The following PARN variants were observed in gnomAD, a reference collection of about 807,000 sequenced individuals.
The protein encoded by PARN is poly(A)-specific ribonuclease PARN.
In PARN, 71 loss-of-function variants were observed where a neutral mutation model predicts 102.8. The ratio of observed to expected loss-of-function variants is 0.69; its 90% CI spans 0.57 to 0.84. The LOEUF is 0.84. PARN is among the 40% of genes least tolerant of loss of function. PARN has a pLI of 0.00. For missense variants in PARN, 782 were observed against 760.9 expected (o/e 1.03, Z -0.33); for synonymous variants, 261 against 252.9 (o/e 1.03, Z -0.30).
chr16:14,520,340 T>A (rs549732322), intron 21 of PARN, among the ~76,000 whole-genome samples: 4 of 152,300 alleles, frequency 2.6e-5, no homozygotes, highest in Non-Finnish European at 5.9e-5. Flanking sequence ...GTGAGATAAC[T>A]TGAAATTTTA....
At position 14,479,049 on chromosome 16, in the gene PARN, C is replaced by T. The variant is rs910527151; in HGVS notation, c.1670+3589G>A. ...CCTCCTAAAGTGCTGGGATTATAGG[C>T]GGGAGCCACTATGCCCGGCAACAAT... On this transcript the variant is annotated intron_variant, in intron 22 of 23. Transcript: ENST00000437198. Among the ~76,000 whole-genome samples the T allele has an allele frequency of 4.6e-5, 7 of 152,234 alleles. No individual in the cohort carries two copies. The East Asian group carries it at 7.7e-4, about 17-fold the overall frequency.
Position 14,610,756 on chromosome 16 carries a change from C to T in PARN, c.442G>A (p.Glu148Lys). ...EERQLREQYD[E>K]KRSQANGAGA... ...GCACCATTCGCCTGTGAACGTTTTTCATCATACTGCTCTCTTAACTGTCTT... is the reference window on the plus strand; with the variant it reads ...GCACCATTCGCCTGTGAACGTTTTTTATCATACTGCTCTCTTAACTGTCTT... Residue 148 changes from glutamate (E) to lysine (K), a missense_variant, in exon 7 of 24, where the codon GAA becomes AAA. Coordinates refer to ENST00000437198, the MANE Select transcript of PARN (RefSeq NM_002582.4). 1 of 1,610,838 alleles carries T rather than the reference C, an allele frequency of 6.2e-7. No homozygotes were observed. Among genetic ancestry groups the T allele is most frequent in the Non-Finnish European group, 8.5e-7 (1 of 1,177,060 alleles).
intron 21 of PARN, among the ~76,000 whole-genome samples, chr16:14,545,656 G>C (rs1046741119): frequency 1.3e-5 from 2 of 152,186 alleles, no homozygotes; most frequent in African/African-American, 4.8e-5. Context: ...ACAGAGGACA[G>C]AGGTCCAGAC....
At chr16:14,560,985 G>A (rs866699965) in intron 18 of PARN, among the ~76,000 whole-genome samples, 3 of 152,134 alleles carry the variant, frequency 2.0e-5, no homozygotes, top group Admixed American at 6.5e-5. Context: ...GTGAAACCTC[G>A]TCTCTATTTA....
At chr16:14,593,208 G>A (rs1970301708) in intron 13 of PARN, 93 bp downstream of exon 13, 1 of 719,492 alleles carries the variant, frequency 1.4e-6, no homozygotes, top group Admixed American at 2.3e-5. Flanking sequence ...TGGCACCCAA[G>A]TAGAGGACAG....
intron 18 of PARN, among the ~76,000 whole-genome samples, chr16:14,578,825 C>T (rs1043144327): frequency 1.3e-5 from 2 of 152,102 alleles, no homozygotes; most frequent in African/African-American, 4.8e-5. Flanking sequence ...TATTCAACTA[C>T]TCTTGGTATG....
At chr16:14,558,201 G>A (rs1249283172) in intron 18 of PARN, among the ~76,000 whole-genome samples, 1 of 152,178 alleles carries the variant, frequency 6.6e-6, no homozygotes, top group Non-Finnish European at 1.5e-5. Context: ...ACGAGACCAA[G>A]GCAGGCAGAT....
At chr16:14,569,767 G>A (rs1968674146) in intron 18 of PARN, among the ~76,000 whole-genome samples, 2 of 152,176 alleles carry the variant, frequency 1.3e-5, no homozygotes, top group Admixed American at 6.5e-5. Context: ...CAGGAGCTGA[G>A]GGGAGGCAGA....
rs755375812 is a variant in PARN at position 14,582,217 on chromosome 16, T to C, written c.1156A>G (p.Thr386Ala). 4 of 1,613,276 alleles carry C rather than the reference T, an allele frequency of 2.5e-6. No homozygotes were observed. Among genetic ancestry groups the C allele is most frequent in the Non-Finnish European group, 3.4e-6 (4 of 1,179,164 alleles). The change falls in exon 17 of 24, where the codon ACA becomes GCA. Residue 386 changes from threonine to alanine, a missense_variant. Thr to Ala is a moderately conservative substitution (Grantham distance 58). Transcript: ENST00000437198. Reference protein sequence around the residue: ...LHEAGYDAYITGLCFISMANY... With the variant: ...LHEAGYDAYIAGLCFISMANY... ...GCCATGGAGATGAAGCACAGCCCTG[T>C]GATGTAGGCATCGTAGCCTGCCTCG... is the stretch of plus-strand genomic sequence containing the variant.
At chr16:14,502,311 C>A (rs1456578365) in intron 21 of PARN, among the ~76,000 whole-genome samples, 2 of 152,196 alleles carry the variant, frequency 1.3e-5, no homozygotes, top group Non-Finnish European at 1.5e-5. Flanking sequence ...CTCAGTGAAG[C>A]CAACACAGCT....
intron 21 of PARN, among the ~76,000 whole-genome samples, chr16:14,525,541 T>G (rs1965951557): frequency 1.3e-5 from 2 of 152,114 alleles, no homozygotes; most frequent in African/African-American, 4.8e-5. Flanking sequence ...GGCAATGGCA[T>G]GGAGGCTGTG....
chr16:14,451,871 A>AAAAAAAAAAAAAAAAAAAC (rs1961470441), intron 22 of PARN, among the ~76,000 whole-genome samples: 1 of 33,196 alleles, frequency 3.0e-5, no homozygotes, highest in Non-Finnish European at 7.3e-5. Flanking sequence ...AAAAAATACA[A>AAAAAAAAAAAAAAAAAAAC]AAAAAAAAAA....
chr16:14,585,497 G>A (rs911045647), intron 14 of PARN, among the ~76,000 whole-genome samples: 3 of 150,752 alleles, frequency 2.0e-5, no homozygotes, highest in Non-Finnish European at 2.9e-5. Context: ...ACAAACACTT[G>A]TTCGGTAGGC....
chr16:14,524,236 CTTTAT>C (rs527561613), intron 21 of PARN, among the ~76,000 whole-genome samples: 257 of 152,200 alleles, frequency 1.7e-3, no homozygotes, highest in African/African-American at 5.6e-3. Context: ...GTTATGACTT[CTTTAT>C]TTTGTTTGTT....
Position 14,614,265 on chromosome 16 carries a change from A to G in PARN, c.388+3325T>C, listed in dbSNP as rs866241872. On this transcript the variant is annotated intron_variant, in intron 6 of 23. Transcript: ENST00000437198. Reference sequence around the variant, plus strand: ...AGCAACATCTTGTCTCAAAAATGGGAAAAAAAAAAAAGAGTAAATGAGAGG... The same window carrying G: ...AGCAACATCTTGTCTCAAAAATGGGGAAAAAAAAAAAGAGTAAATGAGAGG... Among the ~76,000 whole-genome samples the G allele has an allele frequency of 9.6e-5, 14 of 145,744 alleles. No individual in the cohort carries two copies. The East Asian group carries it at 1.4e-3, about 14-fold the overall frequency.
At chr16:14,481,535 T>A (rs1177448576) in intron 22 of PARN, among the ~76,000 whole-genome samples, 1 of 152,240 alleles carries the variant, frequency 6.6e-6, no homozygotes, top group African/African-American at 2.4e-5. Flanking sequence ...ATGTTCTATA[T>A]CTTGCTTTGG....
chr16:14,590,746 C>T (rs1469704754), intron 13 of PARN, among the ~76,000 whole-genome samples: 1 of 151,850 alleles, frequency 6.6e-6, no homozygotes, highest in Admixed American at 6.6e-5. Flanking sequence ...ATAGAGCTGT[C>T]TTAAACAGTG....
intron 21 of PARN, among the ~76,000 whole-genome samples, chr16:14,498,220 G>T (rs1964420376): frequency 6.6e-6 from 1 of 152,046 alleles, no homozygotes; most frequent in Non-Finnish European, 1.5e-5. Context: ...GAACTGGAGA[G>T]AGAAAGAGAA....
At chr16:14,496,497 T>A (rs749317397) in intron 21 of PARN, among the ~76,000 whole-genome samples, 1 of 152,156 alleles carries the variant, frequency 6.6e-6, no homozygotes, top group Non-Finnish European at 1.5e-5. Flanking sequence ...TGGGAAGCAA[T>A]TCCATACTTA....
Sources: gnomAD v4.1 joint callset for allele counts (sites outside exome capture counted in the v4.1 genomes callset) on GRCh38, gnomAD v4.1.1 for gene constraint, MANE v1.5 for transcripts, NCBI Gene and HGNC (gene_info 2026-07-23, HGNC 2026-07-21) for gene names.